The following RANBP10 variants were observed in gnomAD, a reference collection of about 807,000 sequenced individuals.
The protein encoded by RANBP10 is ran-binding protein 10.
Under a neutral mutation model 72.8 loss-of-function variants are expected in RANBP10, and 24 were observed. That is an observed-to-expected ratio of 0.33 (90% CI 0.24 to 0.46). The LOEUF (loss-of-function observed/expected upper bound fraction) is 0.46. Among genes scored for constraint, RANBP10 ranks in the 20% least tolerant of loss-of-function variants. The pLI is 1.00. For missense variants in RANBP10, 679 were observed against 817.5 expected (o/e 0.83, Z 2.07); for synonymous variants, 310 against 322.3 (o/e 0.96, Z 0.41).
At chr16:67,784,975 C>T (rs1386504959) in intron 2 of RANBP10, among the ~76,000 whole-genome samples, 21 of 151,402 alleles carry the variant, frequency 1.4e-4, no homozygotes, top group African/African-American at 3.9e-4. Context: ...TTTGGGAGGC[C>T]GAGGCGGGCA....
At position 67,772,159 on chromosome 16, in the gene RANBP10, T is replaced by C; in HGVS notation, c.348-73A>G. On this transcript the variant is annotated intron_variant, in intron 2 of 13. Transcript: ENST00000317506. ...GCTCATGCGTCTCCCTTCTCAAACA[T>C]TTATTGGTAAAAGACAGAAAAATGA... 3.4e-6 allele frequency: 5 copies of C among 1,492,228 alleles called. No homozygotes were observed. The South Asian group carries it at 6.1e-5, about 18-fold the overall frequency. The allele number at this position is 1,492,228 out of a possible 1,614,324, so 92.4% of individuals were successfully genotyped here. A position where few individuals can be genotyped will look rare whatever the true frequency, so the allele number is the denominator to read the frequency against.
intron 3 of RANBP10, among the ~76,000 whole-genome samples, chr16:67,749,292 T>C (rs2054149736): frequency 6.6e-6 from 1 of 152,162 alleles, no homozygotes; most frequent in African/African-American, 2.4e-5. Flanking sequence ...AGCTTTCACA[T>C]CTTTTTATCC....
chr16:67,732,105 G>A (rs1432006433), intron 6 of RANBP10, among the ~76,000 whole-genome samples: 1 of 152,138 alleles, frequency 6.6e-6, no homozygotes. Flanking sequence ...AGCCCTCCAG[G>A]TGAACCTGCC....
chr16:67,743,318 C>G (rs1014872505), intron 4 of RANBP10, among the ~76,000 whole-genome samples: 3 of 152,196 alleles, frequency 2.0e-5, no homozygotes, highest in Non-Finnish European at 4.4e-5. Flanking sequence ...TTCTGCCAGT[C>G]CTCTCCTCAC....
intron 4 of RANBP10, among the ~76,000 whole-genome samples, chr16:67,740,891 ATCTC>A (rs2053956563): frequency 6.6e-6 from 1 of 152,210 alleles, no homozygotes; most frequent in Admixed American, 6.5e-5. Flanking sequence ...GAATCTGGAA[ATCTC>A]TCTGTACCCA....
intron 2 of RANBP10, among the ~76,000 whole-genome samples, chr16:67,777,796 G>C (rs2054734320): frequency 6.6e-6 from 1 of 152,144 alleles, no homozygotes; most frequent in African/African-American, 2.4e-5. Flanking sequence ...GACAGAAACA[G>C]TCAAAACAAT....
intron 3 of RANBP10, among the ~76,000 whole-genome samples, chr16:67,754,384 G>C (rs1036566319): frequency 7.2e-5 from 11 of 152,166 alleles, no homozygotes; most frequent in African/African-American, 2.7e-4. Context: ...CTCCTGTGTT[G>C]TCCTGATACA....
chr16:67,806,134 G>A (rs1027798461), intron 1 of RANBP10, among the ~76,000 whole-genome samples, 168 bp downstream of exon 1: 1 of 152,232 alleles, frequency 6.6e-6, no homozygotes, highest in African/African-American at 2.4e-5. Context: ...AGAACAGGCA[G>A]TCAGCCCTCG....
At chr16:67,761,983 T>C (rs1184285797) in intron 3 of RANBP10, among the ~76,000 whole-genome samples, 4 of 151,568 alleles carry the variant, frequency 2.6e-5, no homozygotes, top group Non-Finnish European at 5.9e-5. Context: ...CAGCTGAGCA[T>C]AGTGGCTCAC....
intron 2 of RANBP10, among the ~76,000 whole-genome samples, chr16:67,803,727 T>C (rs1597933114): frequency 8.2e-6 from 1 of 122,140 alleles, no homozygotes; most frequent in Middle Eastern, 5.8e-3. Flanking sequence ...GAGGCTGAGG[T>C]GGGAGGATAA....
chr16:67,755,963 G>A (rs1253718111), intron 3 of RANBP10, among the ~76,000 whole-genome samples: 1 of 152,202 alleles, frequency 6.6e-6, no homozygotes, highest in Non-Finnish European at 1.5e-5. Context: ...TGCCAGTGAT[G>A]CAAGGAGAAA....
At chr16:67,748,434 A>G (rs1253282728) in intron 3 of RANBP10, among the ~76,000 whole-genome samples, 1 of 151,746 alleles carries the variant, frequency 6.6e-6, no homozygotes, top group Non-Finnish European at 1.5e-5. Context: ...GAGGCAGGAG[A>G]ATCGCTTAAA....
intron 2 of RANBP10, among the ~76,000 whole-genome samples, chr16:67,780,222 C>T (rs1239883457): frequency 1.3e-5 from 2 of 151,922 alleles, no homozygotes; most frequent in Non-Finnish European, 2.9e-5. Flanking sequence ...CAAAGCTAGA[C>T]TCCGTCTCAA....
rs770521202 is a variant in RANBP10, at chr16:67,733,053, C to CAA, written c.777-1471_777-1470dup. Among the ~76,000 whole-genome samples, 102 of 43,522 alleles carry CAA rather than the reference C, an allele frequency of 2.3e-3. 1 individual carries two copies. The highest frequency in any genetic ancestry group is 4.0e-3 in the African/African-American group (43 of 10,870). 28.6% of individuals were successfully genotyped at this position (43,522 alleles called of 152,430 possible). A position where few individuals can be genotyped will look rare whatever the true frequency, so the allele number is the denominator to read the frequency against. On this transcript the variant is annotated intron_variant, in intron 6 of 13. Transcript: ENST00000317506. ...TGGGCGACAAAGCGAGACTCCATCT[C>CAA]AAAAAAAAAAAAAAAAAAAAAAAAT...
chr16:67,772,307 G>C (rs554447675), intron 2 of RANBP10, among the ~76,000 whole-genome samples: 2 of 152,132 alleles, frequency 1.3e-5, no homozygotes, highest in Admixed American at 1.3e-4. Flanking sequence ...AGAAAGTTGC[G>C]TGTGTTGTGT....
intron 2 of RANBP10, among the ~76,000 whole-genome samples, chr16:67,802,344 C>G (rs115545912): frequency 0.025 from 3,880 of 152,286 alleles, 158 homozygotes; most frequent in African/African-American, 0.086. Context: ...CTTTCTAAAA[C>G]TGATGTTTCC....
intron 2 of RANBP10, among the ~76,000 whole-genome samples, chr16:67,785,993 C>T (rs1321744157): frequency 1.3e-5 from 2 of 149,570 alleles, no homozygotes; most frequent in Admixed American, 1.3e-4. Context: ...AGCGAGACTC[C>T]ATCTCAAAAA....
At chr16:67,726,608 C>T (rs1418505445) in intron 13 of RANBP10, 50 bp from the exon 14 acceptor site, 1 of 1,515,786 alleles carries the variant, frequency 6.6e-7, no homozygotes, top group Non-Finnish European at 8.8e-7. Flanking sequence ...GGGCTTGGGC[C>T]CAGGTCAAAG....
intron 3 of RANBP10, among the ~76,000 whole-genome samples, chr16:67,762,935 C>T (rs1208740267): frequency 1.3e-5 from 2 of 152,174 alleles, no homozygotes; most frequent in African/African-American, 4.8e-5. Flanking sequence ...CAAGTGTCAT[C>T]CCAGACATGG....
Sources: allele counts gnomAD v4.1 joint callset (sites outside exome capture counted in the v4.1 genomes callset), GRCh38; gene constraint gnomAD v4.1.1; transcripts MANE v1.5; gene names NCBI Gene and HGNC (gene_info 2026-07-23, HGNC 2026-07-21).